The following TMCC1 variants were observed in gnomAD, a reference collection of about 807,000 sequenced individuals.
TMCC1 encodes transmembrane and coiled-coil domain family 1, also known as transmembrane and coiled-coil domains protein 1.
In TMCC1, 15 loss-of-function variants were observed where a neutral mutation model predicts 52.4. That is an observed-to-expected ratio of 0.29 (90% CI 0.19 to 0.44). The LOEUF is 0.44. Ranked by LOEUF, TMCC1 falls within the 20% of genes least tolerant of loss-of-function variation. The pLI is 1.00. For synonymous variants in TMCC1, 279 were observed against 301.9 expected (o/e 0.92, Z 0.79); for missense variants, 503 against 806.0 (o/e 0.62, Z 4.55).
chr3:129,791,600 T>C (rs2056468005), intron 4 of TMCC1, among the ~76,000 whole-genome samples: 1 of 152,146 alleles, frequency 6.6e-6, no homozygotes, highest in Admixed American at 6.5e-5. Flanking sequence ...TTCTAGACTA[T>C]TTTGGATGGC....
chr3:129,664,001 C>T (rs1479923013), intron 5 of TMCC1, among the ~76,000 whole-genome samples: 4 of 152,124 alleles, frequency 2.6e-5, no homozygotes, highest in Non-Finnish European at 4.4e-5. Context: ...TCAAGTTTGT[C>T]CACTCCAAGG....
At chr3:129,726,922 C>T (rs1258273973) in intron 4 of TMCC1, among the ~76,000 whole-genome samples, 3 of 123,058 alleles carry the variant, frequency 2.4e-5, no homozygotes, top group African/African-American at 9.2e-5. Context: ...AACCAAACAT[C>T]TTATTCTGTA....
chr3:129,857,372 A>T (rs2060187629), intron 2 of TMCC1: 1 of 152,224 alleles, frequency 6.6e-6, no homozygotes, highest in African/African-American at 2.4e-5. Context: ...CAGGCTGGAC[A>T]ACATATCTAT....
chr3:129,859,846 G>C (rs926647800), intron 2 of TMCC1, among the ~76,000 whole-genome samples: 1 of 152,008 alleles, frequency 6.6e-6, no homozygotes, highest in South Asian at 2.1e-4. Flanking sequence ...CTGACATGGT[G>C]CTCAATAAAT....
chr3:129,826,060 G>A (rs2058644370), intron 4 of TMCC1, among the ~76,000 whole-genome samples: 1 of 152,076 alleles, frequency 6.6e-6, no homozygotes, highest in South Asian at 2.1e-4. Context: ...TAACATAAAA[G>A]TCTATAATCC....
chr3:129,764,424 C>A (rs990729689), intron 4 of TMCC1, among the ~76,000 whole-genome samples: 16 of 152,142 alleles, frequency 1.1e-4, no homozygotes, highest in African/African-American at 3.6e-4. Context: ...AACAATTTCT[C>A]CACTGCTATC....
chr3:129,734,230 C>A (rs1207377679), intron 4 of TMCC1, among the ~76,000 whole-genome samples: 1 of 151,968 alleles, frequency 6.6e-6, no homozygotes, highest in Admixed American at 6.5e-5. Context: ...GAATACTATA[C>A]AACAAGTAGA....
At chr3:129,838,402 C>T (rs1012700271) in intron 2 of TMCC1, among the ~76,000 whole-genome samples, 2 of 151,566 alleles carry the variant, frequency 1.3e-5, no homozygotes, top group African/African-American at 4.9e-5. Context: ...GGGCAAGACC[C>T]TGTCTCAAAA....
intron 4 of TMCC1, among the ~76,000 whole-genome samples, chr3:129,807,594 C>CT (rs1560461199): frequency 6.6e-6 from 1 of 152,018 alleles, no homozygotes; most frequent in South Asian, 2.1e-4. Flanking sequence ...AAGAGAAGAG[C>CT]TTTTTTTGAA....
At chr3:129,716,511 T>A (rs1220893099) in intron 4 of TMCC1, among the ~76,000 whole-genome samples, 2 of 149,638 alleles carry the variant, frequency 1.3e-5, no homozygotes, top group African/African-American at 2.5e-5. Context: ...ATTTTTTTTT[T>A]TTTTTTTTTG....
chr3:129,837,960 CTG>C (rs1341133206), intron 2 of TMCC1, among the ~76,000 whole-genome samples: 1 of 152,132 alleles, frequency 6.6e-6, no homozygotes, highest in East Asian at 1.9e-4. Flanking sequence ...ACTACCCAAA[CTG>C]AAATATAAAG....
intron 2 of TMCC1, chr3:129,867,122 ACTT>A (rs1008339052): frequency 2.6e-5 from 4 of 151,684 alleles, no homozygotes; most frequent in African/African-American, 9.7e-5. Flanking sequence ...AAAAAAAAAC[ACTT>A]CTTCATTTCC....
intron 4 of TMCC1, among the ~76,000 whole-genome samples, chr3:129,787,674 C>A: frequency 6.6e-6 from 1 of 152,016 alleles, no homozygotes; most frequent in African/African-American, 2.4e-5. Context: ...ATCAATGATT[C>A]CCAAAATATG....
At chr3:129,660,475 C>T (rs6439190) in intron 5 of TMCC1, among the ~76,000 whole-genome samples, 14,009 of 152,184 alleles carry the variant, frequency 0.092, 2,103 homozygotes, top group African/African-American at 0.32. Context: ...TTCTTTATGT[C>T]CACTTTCCCA....
chr3:129,882,390 A>G (rs2107997786), intron 1 of TMCC1, among the ~76,000 whole-genome samples: 1 of 152,284 alleles, frequency 6.6e-6, no homozygotes, highest in South Asian at 2.1e-4. Context: ...ATATGGAGAA[A>G]GTGGAACCCT....
At chr3:129,810,346 T>TC (rs547328898) in intron 4 of TMCC1, among the ~76,000 whole-genome samples, 3 of 136,160 alleles carry the variant, frequency 2.2e-5, no homozygotes, top group East Asian at 6.3e-4. Flanking sequence ...AGACACTGTC[T>TC]CCCAAAAAAA....
intron 4 of TMCC1, among the ~76,000 whole-genome samples, chr3:129,736,811 C>T (rs1055700225): frequency 6.6e-6 from 1 of 151,978 alleles, no homozygotes; most frequent in East Asian, 1.9e-4. Context: ...TGAGCCACTG[C>T]GCCCGGCCGC....
chr3:129,783,524 T>C (rs1050985301), intron 4 of TMCC1, among the ~76,000 whole-genome samples: 2 of 151,554 alleles, frequency 1.3e-5, no homozygotes, highest in African/African-American at 4.9e-5. Context: ...ATCAATAAAG[T>C]AGGGAGATCT....
At chr3:129,655,457 A>C (rs1306990913) in intron 5 of TMCC1, among the ~76,000 whole-genome samples, 1 of 152,192 alleles carries the variant, frequency 6.6e-6, no homozygotes, top group African/African-American at 2.4e-5. Context: ...ACAATTAAGC[A>C]AGCCTCATGA....
Sources: allele counts gnomAD v4.1 joint callset (sites outside exome capture counted in the v4.1 genomes callset), GRCh38; gene constraint gnomAD v4.1.1; transcripts MANE v1.5; gene names NCBI Gene and HGNC (gene_info 2026-07-23, HGNC 2026-07-21).